IGF1R: variants seen among roughly 807,000 people sequenced by gnomAD.
IGF1R encodes insulin-like growth factor 1 receptor.
IGF1R carries 44 observed loss-of-function variants against 144.6 expected under a neutral mutation model. The ratio of observed to expected loss-of-function variants is 0.30; its 90% CI spans 0.24 to 0.39. The LOEUF (loss-of-function observed/expected upper bound fraction) is 0.39, where lower values mean the gene tolerates loss of function less well. Ranked by LOEUF, IGF1R falls within the 10% of genes least tolerant of loss-of-function variation. The pLI, the probability that IGF1R is intolerant of heterozygous loss-of-function variation, is 1.00. For synonymous variants in IGF1R, 795 were observed against 722.8 expected (o/e 1.10, Z -1.60); for missense variants, 1,355 against 1,833.7 (o/e 0.74, Z 4.77).
At chr15:98,720,024 T>A (rs2054210789) in intron 2 of IGF1R, among the ~76,000 whole-genome samples, 1 of 152,216 alleles carries the variant, frequency 6.6e-6, no homozygotes, top group Admixed American at 6.5e-5. Flanking sequence ...TATGAGCTAG[T>A]TCAGATTCTG....
In IGF1R at chr15:98,891,203, C is replaced by T. The variant is rs45461298; in HGVS notation, c.641-122C>T. On this transcript the variant is annotated intron_variant, in intron 2 of 20. Coordinates refer to ENST00000650285, the MANE Select transcript of IGF1R (RefSeq NM_000875.5). The surrounding 1 kb of genome is among the most constrained non-coding windows in gnomAD (Gnocchi z 4.7). ...TTCGTAGTGTGTTTTTGCATTGTCT[C>T]CTCAATGAGTGATCTGGTGCTGGTG... The T allele has an allele frequency of 4.6e-5, 41 of 884,836 alleles. No homozygotes were observed. In the East Asian group the frequency reaches 9.2e-4, roughly 20 times the overall value. 54.8% of individuals were successfully genotyped at this position (884,836 alleles called of 1,614,324 possible). A position where few individuals can be genotyped will look rare whatever the true frequency, so the allele number is the denominator to read the frequency against.
At chr15:98,862,738 CAACTT>C (rs2012225850) in intron 2 of IGF1R, among the ~76,000 whole-genome samples, 1 of 152,166 alleles carries the variant, frequency 6.6e-6, no homozygotes, top group African/African-American at 2.4e-5. Context: ...GTCTTTTTCT[CAACTT>C]AGTTGATGAT....
intron 2 of IGF1R, among the ~76,000 whole-genome samples, chr15:98,740,884 ATATT>A (rs1238587956): frequency 6.6e-6 from 1 of 152,190 alleles, no homozygotes; most frequent in African/African-American, 2.4e-5. Flanking sequence ...CTTTTAAAAG[ATATT>A]TAGTGAAATT....
chr15:98,961,130 G>A lies in IGF1R; in HGVS notation c.*3688G>A, dbSNP rs1042578817. ...CGCGACCCATCTCTCCCAGGACCCC[G>A]GGGATCTTAAGGTCATTGAGAAATA... On this transcript the variant is annotated 3_prime_UTR_variant, in exon 21 of 21. Transcript: ENST00000650285. 3.9e-5 allele frequency: 9 copies of A among 233,308 alleles called. No homozygotes were observed. The highest frequency in any genetic ancestry group is 1.2e-3 in the Middle Eastern group (1 of 810). The allele number at this position is 233,308 out of a possible 1,614,324, so 14.5% of individuals were successfully genotyped here.
intron 2 of IGF1R, among the ~76,000 whole-genome samples, chr15:98,861,684 C>A (rs1325041456): frequency 1.3e-5 from 2 of 152,214 alleles, no homozygotes; most frequent in Non-Finnish European, 2.9e-5. Context: ...GTCAGCAAGT[C>A]TTTGCACCTT....
At chr15:98,687,977 A>C (rs1009725223) in intron 1 of IGF1R, among the ~76,000 whole-genome samples, 2 of 152,152 alleles carry the variant, frequency 1.3e-5, no homozygotes, top group East Asian at 1.9e-4. Context: ...ACTTGGTGCC[A>C]CTTACCTTGG....
chr15:98,860,003 C>T (rs2012057835), intron 2 of IGF1R, among the ~76,000 whole-genome samples: 1 of 152,126 alleles, frequency 6.6e-6, no homozygotes, highest in Non-Finnish European at 1.5e-5. Context: ...GCAACCTTCA[C>T]CTCCCGGGTT....
chr15:98,910,689 C>T (rs769759727), intron 6 of IGF1R, among the ~76,000 whole-genome samples: 10 of 152,332 alleles, frequency 6.6e-5, no homozygotes, highest in East Asian at 3.9e-4. Context: ...CCATAGAGCA[C>T]GTTAGGCTTG....
At chr15:98,849,528 A>G (rs772680146) in intron 2 of IGF1R, among the ~76,000 whole-genome samples, 11 of 152,232 alleles carry the variant, frequency 7.2e-5, no homozygotes, top group Non-Finnish European at 1.6e-4. Context: ...TTCAACTCAA[A>G]ATCCAGAAGC....
At chr15:98,795,439 G>T (rs2056218758) in intron 2 of IGF1R, among the ~76,000 whole-genome samples, 1 of 135,348 alleles carries the variant, frequency 7.4e-6, no homozygotes. Flanking sequence ...TTTTGAGATG[G>T]AGTCTCACTC....
intron 2 of IGF1R, among the ~76,000 whole-genome samples, chr15:98,872,261 T>G (rs1386221008): frequency 6.6e-6 from 1 of 152,376 alleles, no homozygotes; most frequent in South Asian, 2.1e-4. Context: ...TCTTGTCTTA[T>G]GATTTTTTTT....
At chr15:98,739,280 C>G (rs1385277430) in intron 2 of IGF1R, among the ~76,000 whole-genome samples, 9 of 152,206 alleles carry the variant, frequency 5.9e-5, no homozygotes, top group Admixed American at 5.9e-4. Flanking sequence ...TCTGCATGCT[C>G]TGTTGACGGT....
chr15:98,766,704 C>T (rs1027728933), intron 2 of IGF1R, among the ~76,000 whole-genome samples: 13 of 152,206 alleles, frequency 8.5e-5, no homozygotes, highest in Non-Finnish European at 1.6e-4. Context: ...AAAGTTGATG[C>T]GGTAGTTGTG....
intron 2 of IGF1R, among the ~76,000 whole-genome samples, chr15:98,720,595 G>T (rs1229865335): frequency 6.6e-6 from 1 of 152,190 alleles, no homozygotes; most frequent in Non-Finnish European, 1.5e-5. Flanking sequence ...GCTTACTGAG[G>T]GATAACGGAT....
intron 12 of IGF1R, among the ~76,000 whole-genome samples, chr15:98,924,224 A>G (rs559911157): frequency 4.7e-4 from 71 of 152,374 alleles, no homozygotes; most frequent in African/African-American, 1.7e-3. Context: ...TTTGCCCTCA[A>G]GAAACGATTT....
At chr15:98,751,126 T>C (rs12898337) in intron 2 of IGF1R, among the ~76,000 whole-genome samples, 100,238 of 152,098 alleles carry the variant, frequency 0.66, 33,370 homozygotes, top group African/African-American at 0.75. Flanking sequence ...CATTTTAGTG[T>C]AGTTGAGCCT....
intron 1 of IGF1R, among the ~76,000 whole-genome samples, chr15:98,686,776 T>TG (rs927271761): frequency 1.8e-4 from 28 of 152,106 alleles, no homozygotes; most frequent in Non-Finnish European, 3.8e-4. Context: ...GCTCATGTGA[T>TG]GCTCCCACCT....
At chr15:98,698,441 C>A (rs1033106532) in intron 1 of IGF1R, among the ~76,000 whole-genome samples, 3 of 152,200 alleles carry the variant, frequency 2.0e-5, no homozygotes, top group African/African-American at 7.2e-5. Context: ...AACTCTGTAC[C>A]CATTAATAAC....
chr15:98,907,528 A>T (rs906875910), intron 5 of IGF1R, among the ~76,000 whole-genome samples: 2 of 152,230 alleles, frequency 1.3e-5, no homozygotes, highest in Admixed American at 1.3e-4. Context: ...ACTTAGTAAG[A>T]AGCAGAGCAG....
Sources: gnomAD v4.1 joint callset for allele counts (sites outside exome capture counted in the v4.1 genomes callset) on GRCh38, gnomAD v4.1.1 for gene constraint, Gnocchi (gnomAD v3.1) non-coding constraint, MANE v1.5 for transcripts, NCBI Gene and HGNC (gene_info 2026-07-23, HGNC 2026-07-21) for gene names.